PSG8: variants seen among roughly 807,000 people sequenced by gnomAD.
The protein encoded by PSG8 is pregnancy-specific beta-1-glycoprotein 8.
Under a neutral mutation model 42.5 loss-of-function variants are expected in PSG8, and 57 were observed. The ratio of observed to expected loss-of-function variants is 1.34; its 90% CI spans 1.08 to 1.67. PSG8 has a LOEUF of 1.67. Among genes scored for constraint, PSG8 ranks in the 40% most tolerant of loss-of-function variants. The pLI is 0.00. For missense variants in PSG8, 783 were observed against 518.6 expected (o/e 1.51, Z -4.95); for synonymous variants, 280 against 196.8 (o/e 1.42, Z -3.54).
Position 42,754,327 on chromosome 19 carries a change from G to C in PSG8, c.1249C>G (p.Arg417Gly), listed in dbSNP as rs146638942. ...CCTATTGCCAAGGATACTGGGATCC[G>C]CTTACCAGAGACTTTTACTGTCATG... ...KSMTVKVSGK[R>G]IPVSLAIGI The change falls in exon 5 of 5, where the codon CGG becomes GGG. Residue 417 changes from arginine to glycine, a missense_variant. Transcript: ENST00000306511. 2.4e-5 allele frequency: 39 copies of C among 1,613,630 alleles called. No homozygotes were observed. The African/African-American group carries it at 4.9e-4, about 20-fold the overall frequency.
At chr19:42,755,459 C>G in intron 3 of PSG8, 193 bp from the exon 4 acceptor site, 1 of 1,201,170 alleles carries the variant, frequency 8.3e-7, no homozygotes. Context: ...GCTGCTCTGT[C>G]TTAGGGAAGC....
intron 3 of PSG8, among the ~76,000 whole-genome samples, chr19:42,757,716 CA>C (rs1159630146): frequency 9.8e-5 from 15 of 152,292 alleles, no homozygotes; most frequent in Admixed American, 9.1e-4. Context: ...AAGTCCCAGC[CA>C]AATCCCAGCT....
downstream of PSG8, chr19:42,753,470 C>A (rs1969832250): frequency 5.4e-6 from 4 of 743,374 alleles, no homozygotes; most frequent in Middle Eastern, 2.4e-4. Context: ...TAATTTTTCT[C>A]TCTATGGGCA....
At chr19:42,764,414 GCA>G (rs200836577) in intron 1 of PSG8, 133 bp from the exon 2 acceptor site, 438 of 1,358,634 alleles carry the variant, frequency 3.2e-4, no homozygotes, top group Non-Finnish European at 3.5e-4. Flanking sequence ...ACAAACACAC[GCA>G]CACACACACA....
intron 3 of PSG8, 99 bp downstream of exon 3, chr19:42,757,903 G>A: frequency 1.9e-6 from 3 of 1,612,506 alleles, no homozygotes; most frequent in Non-Finnish European, 2.5e-6. Flanking sequence ...AGGGGTAAAG[G>A]TCTCTGTACT....
chr19:42,765,221 C>G (rs1600424931), intron 1 of PSG8, among the ~76,000 whole-genome samples: 2 of 151,274 alleles, frequency 1.3e-5, no homozygotes, highest in African/African-American at 4.9e-5. Context: ...GGCACTATCT[C>G]AGCTAGCTGC....
intron 2 of PSG8, among the ~76,000 whole-genome samples, chr19:42,761,861 G>C (rs993526472): frequency 5.8e-5 from 4 of 68,966 alleles, no homozygotes; most frequent in African/African-American, 2.4e-4. Flanking sequence ...TTGTGCAGGA[G>C]GCCAGAAGAA....
intron 2 of PSG8, among the ~76,000 whole-genome samples, chr19:42,763,080 TCA>T (rs1970117841): frequency 6.6e-6 from 1 of 152,178 alleles, no homozygotes; most frequent in Admixed American, 6.5e-5. Flanking sequence ...GTTAAATGAT[TCA>T]CAGTCACCTG....
At chr19:42,761,820 ATTTTTT>A (rs58868359) in intron 2 of PSG8, among the ~76,000 whole-genome samples, 263 of 70,362 alleles carry the variant, frequency 3.7e-3, no homozygotes, top group African/African-American at 8.7e-3. Flanking sequence ...CATTTCAATA[ATTTTTT>A]TTTTTTTTTT....
chr19:42,754,812 C>G, intron 4 of PSG8, 176 bp downstream of exon 4: 1 of 1,462,278 alleles, frequency 6.8e-7, no homozygotes. Flanking sequence ...TCCCCTTATA[C>G]TCTTGGTTAA....
downstream of PSG8, chr19:42,754,216 A>G: frequency 6.4e-7 from 1 of 1,572,980 alleles, no homozygotes; most frequent in Admixed American, 1.8e-5. Flanking sequence ...AGAATTTGGG[A>G]TTTGCTTGTG....
intron 2 of PSG8, chr19:42,758,824 G>A: frequency 6.2e-6 from 1 of 162,406 alleles, no homozygotes; most frequent in Non-Finnish European, 1.4e-5. Context: ...GTCAAGTCCG[G>A]AGGTCAGTTC....
intron 3 of PSG8, 78 bp from the exon 4 acceptor site, chr19:42,755,344 C>T (rs1969897205): frequency 1.3e-6 from 2 of 1,576,360 alleles, no homozygotes; most frequent in Non-Finnish European, 1.7e-6. Flanking sequence ...TCAGAGTTGG[C>T]ATCTCCCACT....
intron 2 of PSG8, among the ~76,000 whole-genome samples, chr19:42,760,072 G>A (rs1395945716): frequency 6.6e-6 from 1 of 152,132 alleles, no homozygotes; most frequent in Non-Finnish European, 1.5e-5. Context: ...GCAGAGTTAG[G>A]AAAAATGGGG....
Position 42,755,277 on chromosome 19 carries a change from A to G in PSG8, c.710-11T>C. ...GCTTGGGCAGCTTCGCTGTGTGGAT[A>G]ACAGAGAGAAGATTGTCCTGTGTGG... On this transcript the variant is annotated splice_polypyrimidine_tract_variant and intron_variant, in intron 3 of 4. Transcript: ENST00000306511. 6.2e-7 allele frequency: 1 copy of G among 1,609,692 alleles called. No individual in the cohort carries two copies. Among genetic ancestry groups the G allele is most frequent in the South Asian group, 1.1e-5 (1 of 90,714 alleles).
Position 42,763,972 on chromosome 19 carries a change from A to G in PSG8, c.374T>C (p.Ile125Thr), listed in dbSNP as rs1005433361. The change falls in exon 2 of 5, where the codon ATA (isoleucine) becomes ACA (threonine). Residue 125 changes from isoleucine (I) to threonine (T), a missense_variant. By Grantham distance (89) the Ile-to-Thr change is moderately conservative. Transcript: ENST00000306511. Reference sequence around the variant, plus strand: ...TCCTCTATTCTCATCACCTCCCATTATGATGTGTAAGGTGTAGGATCCTGC... The same window carrying G: ...TCCTCTATTCTCATCACCTCCCATTGTGATGTGTAAGGTGTAGGATCCTGC... ...EDAGSYTLHI[I>T]MGGDENRGVT... 2 of 1,612,270 alleles carry G rather than the reference A, an allele frequency of 1.2e-6. No individual in the cohort carries two copies. Among genetic ancestry groups the G allele is most frequent in the Admixed American group, 1.7e-5 (1 of 59,792 alleles).
In PSG8 at chr19:42,758,197, C is replaced by T. The variant is rs146269254; in HGVS notation, c.514G>A (p.Glu172Lys). Residue 172 changes from glutamate (E) to lysine (K), a missense_variant, in exon 3 of 5, where the codon GAG becomes AAG. Coordinates refer to ENST00000306511, the MANE Select transcript of PSG8 (RefSeq NM_182707.3). ...MEAVSLTCDP[E>K]TPDASYLWWM... ...CACAGGTAGCTTGCGTCCGGAGTCT[C>T]AGGATCACAGGTTAAGCTCACAGCC... 1.2e-6 allele frequency: 2 copies of T among 1,613,894 alleles called. No individual in the cohort carries two copies. Among genetic ancestry groups the T allele is most frequent in the African/African-American group, 1.3e-5 (1 of 74,884 alleles).
chr19:42,753,161 G>A (rs1969823289), downstream of PSG8: 4 of 714,022 alleles, frequency 5.6e-6, no homozygotes, highest in Admixed American at 2.0e-5. Context: ...TTGTTGTCCT[G>A]GTTTACAGTT....
At chr19:42,762,076 G>A (rs1372433621) in intron 2 of PSG8, among the ~76,000 whole-genome samples, 1 of 151,634 alleles carries the variant, frequency 6.6e-6, no homozygotes, top group Non-Finnish European at 1.5e-5. Context: ...CTATTTCCTG[G>A]GAGGTGGGCC....
Sources: allele counts gnomAD v4.1 joint callset (sites outside exome capture counted in the v4.1 genomes callset), GRCh38; gene constraint gnomAD v4.1.1; transcripts MANE v1.5; gene names NCBI Gene and HGNC (gene_info 2026-07-23, HGNC 2026-07-21).